Variants in AGBL1 observed in about 807,000 individuals in gnomAD.
The protein encoded by AGBL1 is AGBL carboxypeptidase 1.
AGBL1 carries 130 observed loss-of-function variants against 118.9 expected under a neutral mutation model. That is an observed-to-expected ratio of 1.09 (90% CI 0.95 to 1.26). The LOEUF is 1.26. Among genes scored for constraint, AGBL1 ranks in the 50% most tolerant of loss-of-function variants. AGBL1 has a pLI of 0.00. For missense variants in AGBL1, 1,584 were observed against 1,298.1 expected, an observed-to-expected ratio of 1.22 and a Z score of -3.38; for synonymous variants, 555 against 478.9, an observed-to-expected ratio of 1.16 and a Z score of -2.08.
At chr15:86,796,780 A>G (rs1437235443) in intron 22 of AGBL1, among the ~76,000 whole-genome samples, 3 of 152,214 alleles carry the variant, frequency 2.0e-5, no homozygotes, top group Non-Finnish European at 4.4e-5. Context: ...GACTATTTGC[A>G]TCAGAGACTG....
intron 5 of AGBL1, among the ~76,000 whole-genome samples, chr15:86,206,090 G>T (rs542747696): frequency 6.6e-6 from 1 of 151,752 alleles, no homozygotes; most frequent in East Asian, 1.9e-4. Flanking sequence ...GGGACAGTTT[G>T]CTCAGAATGA....
chr15:86,361,413 T>C (rs1197604905), intron 17 of AGBL1, among the ~76,000 whole-genome samples: 1 of 152,126 alleles, frequency 6.6e-6, no homozygotes, highest in Non-Finnish European at 1.5e-5. Context: ...GAAGAAAGTC[T>C]TCTATTCTGC....
intron 23 of AGBL1, among the ~76,000 whole-genome samples, chr15:86,962,714 T>C (rs2081005323): frequency 1.3e-5 from 2 of 152,078 alleles, no homozygotes; most frequent in South Asian, 4.1e-4. Context: ...GGCAGGTCTA[T>C]TTAGGACCTT....
chr15:87,015,215 GCTT>G (rs2081597777), intron 24 of AGBL1, among the ~76,000 whole-genome samples: 2 of 152,124 alleles, frequency 1.3e-5, no homozygotes, highest in African/African-American at 4.8e-5. Flanking sequence ...TACACCACCA[GCTT>G]CTTTAGTTCT....
chr15:86,089,653 G>A (rs112307809), intron 1 of AGBL1, among the ~76,000 whole-genome samples: 52 of 151,526 alleles, frequency 3.4e-4, no homozygotes, highest in African/African-American at 1.1e-3. Flanking sequence ...CCAATTCCCC[G>A]AAAACAATGC....
At chr15:86,156,341 C>T (rs2077190587) in intron 4 of AGBL1, among the ~76,000 whole-genome samples, 1 of 152,158 alleles carries the variant, frequency 6.6e-6, no homozygotes, top group African/African-American at 2.4e-5. Flanking sequence ...CAAGGTCTTT[C>T]TTCTATGCTT....
chr15:86,776,872 TA>T (rs2078264561), intron 22 of AGBL1, among the ~76,000 whole-genome samples: 2 of 151,830 alleles, frequency 1.3e-5, no homozygotes, highest in Admixed American at 6.6e-5. Flanking sequence ...GAGTATGTAT[TA>T]TTTTTTGCTA....
chr15:86,582,368 G>T (rs2084182638), intron 21 of AGBL1, among the ~76,000 whole-genome samples: 1 of 152,068 alleles, frequency 6.6e-6, no homozygotes, highest in East Asian at 1.9e-4. Flanking sequence ...CCTAGCCTTT[G>T]TAATTCCTGA....
chr15:86,756,190 A>T (rs2077936886), intron 22 of AGBL1, among the ~76,000 whole-genome samples: 1 of 151,942 alleles, frequency 6.6e-6, no homozygotes, highest in Non-Finnish European at 1.5e-5. Flanking sequence ...AATATGCAAA[A>T]ACAGCTCACA....
At chr15:86,625,379 GTT>G (rs1199638580) in intron 21 of AGBL1, among the ~76,000 whole-genome samples, 1 of 59,472 alleles carries the variant, frequency 1.7e-5, no homozygotes, top group African/African-American at 9.0e-5. Context: ...TTTTTTTTTT[GTT>G]TTTGTTTTTT....
chr15:87,025,832 A>G (rs1451553340), intron 24 of AGBL1, among the ~76,000 whole-genome samples: 2 of 152,108 alleles, frequency 1.3e-5, no homozygotes, highest in East Asian at 3.9e-4. Flanking sequence ...GGAACAGAGT[A>G]GAGAACCCAG....
chr15:86,530,576 C>A (rs1409018230), intron 19 of AGBL1, among the ~76,000 whole-genome samples: 9 of 148,776 alleles, frequency 6.0e-5, no homozygotes, highest in African/African-American at 2.3e-4. Flanking sequence ...CAAGGATACC[C>A]AGGAATTGAA....
rs190491003 is a variant in AGBL1 at position 86,889,686 on chromosome 15, G to A, written c.3159-17401G>A. 2.6e-5 allele frequency among the ~76,000 whole-genome samples: 4 copies of A among 152,216 alleles called. No individual in the cohort carries two copies. The East Asian group carries it at 5.8e-4, about 22-fold the overall frequency. ...CCTGTATTAGTTTGCTGAGGATAAC[G>A]ACTTCCAGCTCCATCCATGTCCCTG... On this transcript the variant is annotated intron_variant, in intron 22 of 22. Transcript: ENST00000614907.
intron 22 of AGBL1, among the ~76,000 whole-genome samples, chr15:86,766,006 T>C (rs539377561): frequency 5.3e-5 from 8 of 152,122 alleles, no homozygotes; most frequent in Admixed American, 2.0e-4. Flanking sequence ...TAGTTAATAA[T>C]AGTAATAATA....
chr15:86,550,464 A>G (rs2083649003), intron 20 of AGBL1, among the ~76,000 whole-genome samples: 5 of 152,182 alleles, frequency 3.3e-5, no homozygotes, highest in Admixed American at 3.3e-4. Context: ...TGGTAACCAT[A>G]ATAAAGATGG....
intron 17 of AGBL1, among the ~76,000 whole-genome samples, chr15:86,326,594 T>C (rs903705221): frequency 6.6e-6 from 1 of 152,014 alleles, no homozygotes; most frequent in African/African-American, 2.4e-5. Flanking sequence ...CTTTTCTTTT[T>C]AAGGATACTT....
chr15:86,866,220 G>A lies in AGBL1; in HGVS notation c.3159-40867G>A, dbSNP rs188745620. 1.7e-3 allele frequency among the ~76,000 whole-genome samples: 254 copies of A among 152,268 alleles called. 1 individual carries two copies. Among genetic ancestry groups the A allele is most frequent in the African/African-American group, 5.9e-3 (244 of 41,550 alleles). The stretch of plus-strand genomic sequence containing the variant: ...ACATTCCATTGAAGGAATTAGAAAA[G>A]TCATCTTGACAAATGAAGGACAATG... On this transcript the variant is annotated intron_variant, in intron 22 of 22. Coordinates refer to ENST00000614907, the MANE Select transcript of AGBL1 (RefSeq NM_001386094.1).
intron 22 of AGBL1, among the ~76,000 whole-genome samples, chr15:86,881,244 C>G (rs913805754): frequency 3.3e-5 from 5 of 152,170 alleles, no homozygotes; most frequent in African/African-American, 1.2e-4. Flanking sequence ...AGAATAAAGT[C>G]TATAGAAATC....
In AGBL1 at chr15:86,319,906, G is replaced by A. The variant is rs184464296; in HGVS notation, c.2374+24498G>A. On this transcript the variant is annotated intron_variant, in intron 17 of 22. Coordinates refer to ENST00000614907, the MANE Select transcript of AGBL1 (RefSeq NM_001386094.1). ...CGAGTAGCTGGGATTACAGGCACCC[G>A]CCACCACATCTGGCTAATTTTTGTG... is the stretch of plus-strand genomic sequence containing the variant. 4.2e-3 allele frequency among the ~76,000 whole-genome samples: 632 copies of A among 151,652 alleles called. 6 individuals are homozygous for A. Among genetic ancestry groups the A allele is most frequent in the African/African-American group, 0.014 (586 of 41,362 alleles).
Sources: allele counts gnomAD v4.1 joint callset (sites outside exome capture counted in the v4.1 genomes callset), GRCh38; gene constraint gnomAD v4.1.1; transcripts MANE v1.5; gene names NCBI Gene and HGNC (gene_info 2026-07-23, HGNC 2026-07-21).